The following ERICH1 variants were observed in gnomAD, a reference collection of about 807,000 sequenced individuals.
ERICH1 encodes the protein glutamate rich 1, also known as glutamate-rich protein 1.
A neutral mutation model predicts 39.6 loss-of-function variants in ERICH1; 56 were observed. The observed-to-expected ratio is 1.41, with a 90% CI of 1.14 to 1.77. ERICH1 has a LOEUF of 1.77. Among genes scored for constraint, ERICH1 ranks in the 40% most tolerant of loss-of-function variants. The pLI is 0.00. For synonymous variants in ERICH1, 313 were observed against 223.6 expected (o/e 1.40, Z -3.57); for missense variants, 826 against 575.4 (o/e 1.44, Z -4.45).
intron 2 of ERICH1, among the ~76,000 whole-genome samples, chr8:703,872 T>C (rs1812701897): frequency 6.6e-6 from 1 of 152,096 alleles, no homozygotes; most frequent in Admixed American, 6.5e-5. Context: ...GAGGAAACGA[T>C]CAAGGAAACA....
intron 1 of ERICH1, among the ~76,000 whole-genome samples, chr8:720,112 G>A (rs1408938825): frequency 6.6e-6 from 1 of 152,220 alleles, no homozygotes; most frequent in African/African-American, 2.4e-5. Context: ...CATCATGTCA[G>A]TCCTTGAAAA....
chr8:670,541 G>T (rs1032496236), intron 4 of ERICH1, among the ~76,000 whole-genome samples: 4 of 152,176 alleles, frequency 2.6e-5, no homozygotes, highest in African/African-American at 9.7e-5. Flanking sequence ...CCACACATTT[G>T]GGACAGTGTC....
intron 3 of ERICH1, among the ~76,000 whole-genome samples, chr8:649,807 G>A (rs1799716756): frequency 6.6e-6 from 1 of 152,226 alleles, no homozygotes; most frequent in Admixed American, 6.5e-5. Flanking sequence ...GGCGGACGGC[G>A]TATCAGAGCA....
At chr8:649,785 G>T (rs1799711732) in intron 3 of ERICH1, among the ~76,000 whole-genome samples, 2 of 152,224 alleles carry the variant, frequency 1.3e-5, no homozygotes, top group Non-Finnish European at 2.9e-5. Flanking sequence ...TGGAGACAGA[G>T]CAGCCGCACA....
At position 673,782 on chromosome 8, in the gene ERICH1, G is replaced by A. The variant is rs1432832475; in HGVS notation, c.570C>T (p.Tyr190=). The change falls in exon 4 of 6, where the codon TAC becomes TAT. Residue 190 remains tyrosine (Y), a synonymous_variant. Coordinates refer to ENST00000262109, the MANE Select transcript of ERICH1 (RefSeq NM_207332.3). ...CTTCATTGCTGCTGTCCTCGGGCTG[G>A]TACATGAAACTGACACCAGCAGCCT... ...AAKAAGVSFM[Y]QPEDSSNEGE... is the part of the protein sequence containing the mutation. The A allele has an allele frequency of 6.2e-7, 1 of 1,614,190 alleles. No homozygotes were observed. The highest frequency in any genetic ancestry group is 1.1e-5 in the South Asian group (1 of 91,080).
At chr8:689,675 C>T (rs906139321) in intron 3 of ERICH1, among the ~76,000 whole-genome samples, 8 of 152,254 alleles carry the variant, frequency 5.3e-5, no homozygotes, top group African/African-American at 7.2e-5. Flanking sequence ...GACTTGTTTC[C>T]GGCACCGTGG....
At chr8:723,120 C>T (rs1282632357) in intron 1 of ERICH1, among the ~76,000 whole-genome samples, 2 of 152,122 alleles carry the variant, frequency 1.3e-5, no homozygotes, top group Non-Finnish European at 2.9e-5. Context: ...ACTTAAAAGG[C>T]CGGGACCTCC....
intron 3 of ERICH1, among the ~76,000 whole-genome samples, chr8:643,671 G>C (rs1272738349): frequency 6.6e-6 from 1 of 152,198 alleles, no homozygotes; most frequent in Non-Finnish European, 1.5e-5. Flanking sequence ...TCTGAGCGAT[G>C]GGACAGCATC....
chr8:728,243 C>T (rs969627792), intron 1 of ERICH1, among the ~76,000 whole-genome samples: 13 of 152,220 alleles, frequency 8.5e-5, no homozygotes, highest in African/African-American at 3.1e-4. Context: ...TCCGCCCAGG[C>T]AGCAGGGACA....
At chr8:626,632 T>C (rs1419564837) in intron 3 of ERICH1, 1 of 157,542 alleles carries the variant, frequency 6.3e-6, no homozygotes, top group East Asian at 1.8e-4. Context: ...AATGACCTTG[T>C]CAAGGTCCTC....
chr8:678,399 T>A (rs995967652), intron 3 of ERICH1, among the ~76,000 whole-genome samples: 2 of 152,012 alleles, frequency 1.3e-5, no homozygotes, highest in Non-Finnish European at 2.9e-5. Flanking sequence ...AGAAACAGAT[T>A]CCTGAGAAAA....
intron 3 of ERICH1, among the ~76,000 whole-genome samples, chr8:688,957 A>C (rs1221783231): frequency 6.6e-6 from 1 of 152,248 alleles, no homozygotes; most frequent in Non-Finnish European, 1.5e-5. Flanking sequence ...CAAGATTTTA[A>C]ATGACAGTTT....
intron 3 of ERICH1, among the ~76,000 whole-genome samples, chr8:655,356 G>A (rs967225472): frequency 6.6e-6 from 1 of 152,244 alleles, no homozygotes; most frequent in Non-Finnish European, 1.5e-5. Flanking sequence ...AGCCTGCAGA[G>A]AGGATTTCTG....
chr8:689,958 G>A (rs1449053161), intron 3 of ERICH1, among the ~76,000 whole-genome samples: 1 of 152,166 alleles, frequency 6.6e-6, no homozygotes, highest in Non-Finnish European at 1.5e-5. Flanking sequence ...AAATGTGGCT[G>A]TGTAGCATTT....
intron 3 of ERICH1, among the ~76,000 whole-genome samples, chr8:630,929 C>G (rs1384933396): frequency 6.8e-6 from 1 of 147,432 alleles, no homozygotes; most frequent in African/African-American, 2.5e-5. Context: ...ACCACCCACA[C>G]AGACAGAGCT....
intron 2 of ERICH1, among the ~76,000 whole-genome samples, chr8:699,045 G>A (rs1271041756): frequency 1.3e-5 from 2 of 151,892 alleles, no homozygotes; most frequent in Non-Finnish European, 1.5e-5. Context: ...GCTCAGGGCC[G>A]TGGGTGCCAG....
At position 674,026 on chromosome 8, in the gene ERICH1, G is replaced by A. The variant is rs1238647339; in HGVS notation, c.326C>T (p.Pro109Leu). The change falls in exon 4 of 6, where the codon CCA becomes CTA. Residue 109 changes from proline (P) to leucine (L), a missense_variant. Physicochemically the swap from Pro to Leu is moderately conservative, Grantham distance 98. Transcript: ENST00000262109. ...DTEDQDPHDQ[P>L]KRRRIRKHKS... Reference sequence around the variant, plus strand: ...ATGCTTCCTAATTCTTCTTCTCTTTGGCTGGTCATGAGGATCCTGATCTGT... The same window carrying A: ...ATGCTTCCTAATTCTTCTTCTCTTTAGCTGGTCATGAGGATCCTGATCTGT... 1 of 1,565,364 alleles carries A rather than the reference G, an allele frequency of 6.4e-7. No individual in the cohort carries two copies. The highest frequency in any genetic ancestry group is 8.6e-7 in the Non-Finnish European group (1 of 1,169,126).
intron 2 of ERICH1, among the ~76,000 whole-genome samples, chr8:702,866 C>A (rs1812466904): frequency 6.6e-6 from 1 of 152,210 alleles, no homozygotes; most frequent in Admixed American, 6.5e-5. Context: ...CAGATGGAAG[C>A]CTGTCTCCGT....
At chr8:694,885 C>T (rs75568956) in intron 2 of ERICH1, among the ~76,000 whole-genome samples, 2,828 of 152,230 alleles carry the variant, frequency 0.019, 36 homozygotes, top group Middle Eastern at 0.034. Flanking sequence ...CTCCGCCGGA[C>T]GCACAGAGAA....
Sources: gnomAD v4.1 joint callset for allele counts (sites outside exome capture counted in the v4.1 genomes callset) on GRCh38, gnomAD v4.1.1 for gene constraint, MANE v1.5 for transcripts, NCBI Gene and HGNC (gene_info 2026-07-23, HGNC 2026-07-21) for gene names.